The following SLC9A9 variants were observed in gnomAD, a reference collection of about 807,000 sequenced individuals.
SLC9A9 encodes sodium/hydrogen exchanger 9.
In SLC9A9, 62 loss-of-function variants were observed where a neutral mutation model predicts 77.8. The observed-to-expected ratio is 0.80, with a 90% confidence interval of 0.65 to 0.98. The LOEUF (loss-of-function observed/expected upper bound fraction) is 0.98. SLC9A9 is among the 50% of genes least tolerant of loss of function. SLC9A9 has a pLI of 0.00. For missense variants in SLC9A9, 775 were observed against 774.9 expected, an observed-to-expected ratio of 1.00 and a Z score of 0.00; for synonymous variants, 320 against 283.5, an observed-to-expected ratio of 1.13 and a Z score of -1.29.
intron 4 of SLC9A9, among the ~76,000 whole-genome samples, chr3:143,722,514 A>C (rs2108803584): frequency 6.7e-6 from 1 of 150,298 alleles, no homozygotes; most frequent in South Asian, 2.1e-4. Context: ...TATCAATAGA[A>C]ATTGATGGCG....
rs1426769193 is a variant in SLC9A9 at position 143,542,308 on chromosome 3, G to A, written c.1089+10054C>T. 2.6e-5 allele frequency among the ~76,000 whole-genome samples: 4 copies of A among 152,002 alleles called. No individual in the cohort carries two copies. The East Asian group carries it at 7.7e-4, about 29-fold the overall frequency. ...TATTTTTAAAGATATTTTGAATGAC[G>A]GAGAGAAGAAAAGTGGTAGAACTCT... On this transcript the variant is annotated intron_variant, in intron 9 of 15. Transcript: ENST00000316549.
At chr3:143,396,041 C>T (rs1313884866) in intron 12 of SLC9A9, among the ~76,000 whole-genome samples, 1 of 152,162 alleles carries the variant, frequency 6.6e-6, no homozygotes, top group Non-Finnish European at 1.5e-5. Flanking sequence ...GTCAGTGTGG[C>T]GATTCCTCAG....
At chr3:143,806,469 C>T (rs1390857527) in intron 2 of SLC9A9, among the ~76,000 whole-genome samples, 2 of 152,100 alleles carry the variant, frequency 1.3e-5, no homozygotes, top group African/African-American at 4.8e-5. Context: ...TTGCCTTCTC[C>T]TCTGCCAGTG....
intron 6 of SLC9A9, among the ~76,000 whole-genome samples, chr3:143,620,338 T>A (rs1420952710): frequency 6.6e-6 from 1 of 152,186 alleles, no homozygotes; most frequent in African/African-American, 2.4e-5. Context: ...TTGGGATTAT[T>A]AAATGAGCTG....
intron 12 of SLC9A9, among the ~76,000 whole-genome samples, chr3:143,390,050 G>C (rs1402560567): frequency 6.6e-6 from 1 of 152,166 alleles, no homozygotes; most frequent in East Asian, 1.9e-4. Flanking sequence ...TGCTTTGCTA[G>C]GTCCATTTTT....
At position 143,677,803 on chromosome 3, in the gene SLC9A9, A is replaced by T. The variant is rs891110909; in HGVS notation, c.649+15389T>A. 7.4e-5 allele frequency among the ~76,000 whole-genome samples: 11 copies of T among 148,668 alleles called. No individual in the cohort carries two copies. In the East Asian group the frequency reaches 2.2e-3, roughly 29 times the overall value. ...GTGGAACAAGTGGATTTGTGTGTCTATGAATTGCCTCTTCAGAGTCTTTTT... is the reference window on the plus strand; with the variant it reads ...GTGGAACAAGTGGATTTGTGTGTCTTTGAATTGCCTCTTCAGAGTCTTTTT... On this transcript the variant is annotated intron_variant, in intron 5 of 15. Coordinates refer to ENST00000316549, the MANE Select transcript of SLC9A9 (RefSeq NM_173653.4).
At chr3:143,402,529 T>A (rs2108513081) in intron 12 of SLC9A9, among the ~76,000 whole-genome samples, 1 of 151,580 alleles carries the variant, frequency 6.6e-6, no homozygotes, top group East Asian at 1.9e-4. Context: ...GCTTCATGTA[T>A]CCTGGGACCT....
chr3:143,826,143 C>A (rs2009291091), intron 2 of SLC9A9, among the ~76,000 whole-genome samples: 1 of 151,902 alleles, frequency 6.6e-6, no homozygotes, highest in South Asian at 2.1e-4. Flanking sequence ...CCTGTAGTCC[C>A]AGCTACTTGG....
intron 4 of SLC9A9, among the ~76,000 whole-genome samples, chr3:143,759,388 T>C (rs184960105): frequency 1.1e-4 from 17 of 148,304 alleles, no homozygotes; most frequent in African/African-American, 4.1e-4. Context: ...GGTCAGTCAG[T>C]CTGATTGGTC....
intron 12 of SLC9A9, among the ~76,000 whole-genome samples, chr3:143,411,216 C>T (rs762875151): frequency 3.3e-5 from 5 of 152,096 alleles, no homozygotes; most frequent in African/African-American, 1.2e-4. Context: ...TTTTTCCCCT[C>T]TTTGAGATGT....
intron 14 of SLC9A9, among the ~76,000 whole-genome samples, chr3:143,355,627 T>G (rs1035415555): frequency 2.0e-5 from 3 of 152,218 alleles, no homozygotes; most frequent in African/African-American, 7.2e-5. Flanking sequence ...ATACCATAGA[T>G]GTGTTCCTGA....
At chr3:143,606,436 C>CTCTCTCTCTCTATATATATATATA (rs1419410834) in intron 6 of SLC9A9, among the ~76,000 whole-genome samples, 9 of 54,206 alleles carry the variant, frequency 1.7e-4, no homozygotes, top group African/African-American at 6.9e-4. Context: ...CTCTCTCTCT[C>CTCTCTCTCTCTATATATATATATA]TATATATATA....
chr3:143,845,413 T>C (rs185029362), intron 1 of SLC9A9, among the ~76,000 whole-genome samples: 17 of 152,346 alleles, frequency 1.1e-4, no homozygotes, highest in Non-Finnish European at 1.5e-4. Flanking sequence ...ACATTACTGA[T>C]AGAAAGTTCC....
At chr3:143,471,554 C>T (rs2035378362) in intron 11 of SLC9A9, among the ~76,000 whole-genome samples, 1 of 152,134 alleles carries the variant, frequency 6.6e-6, no homozygotes, top group African/African-American at 2.4e-5. Context: ...AAAAAACACA[C>T]ACCATTTCTC....
chr3:143,733,360 TAGG>T (rs1934856403), intron 4 of SLC9A9, among the ~76,000 whole-genome samples: 1 of 151,156 alleles, frequency 6.6e-6, no homozygotes, highest in Non-Finnish European at 1.5e-5. Context: ...GAAATGGGGG[TAGG>T]AGGAGGGTGA....
At chr3:143,680,494 T>C (rs1180605897) in intron 5 of SLC9A9, among the ~76,000 whole-genome samples, 2 of 152,212 alleles carry the variant, frequency 1.3e-5, no homozygotes, top group Non-Finnish European at 2.9e-5. Flanking sequence ...TCATATCTTG[T>C]TTTACATTTT....
chr3:143,817,414 C>T (rs1401890442), intron 2 of SLC9A9, among the ~76,000 whole-genome samples: 2 of 152,052 alleles, frequency 1.3e-5, no homozygotes, highest in Non-Finnish European at 2.9e-5. Context: ...TCCCAAAGTG[C>T]TGGGATTACA....
chr3:143,709,019 G>A (rs1182167123), intron 4 of SLC9A9, among the ~76,000 whole-genome samples: 1 of 152,208 alleles, frequency 6.6e-6, no homozygotes, highest in Non-Finnish European at 1.5e-5. Context: ...GATCAGACAT[G>A]AGTTATAGTA....
At chr3:143,704,759 A>T (rs2108791604) in intron 4 of SLC9A9, among the ~76,000 whole-genome samples, 1 of 152,140 alleles carries the variant, frequency 6.6e-6, no homozygotes, top group East Asian at 1.9e-4. Flanking sequence ...TTGGGAGGCC[A>T]AGGTGGGCAG....
Sources: allele counts gnomAD v4.1 joint callset (sites outside exome capture counted in the v4.1 genomes callset), GRCh38; gene constraint gnomAD v4.1.1; transcripts MANE v1.5; gene names NCBI Gene and HGNC (gene_info 2026-07-23, HGNC 2026-07-21).